Variants in LIG1 observed in about 807,000 individuals in gnomAD.
LIG1 encodes DNA ligase 1.
A neutral mutation model predicts 115.7 loss-of-function variants in LIG1; 70 were observed. The ratio of observed to expected loss-of-function variants is 0.60; its 90% CI spans 0.50 to 0.74. The LOEUF is 0.74. Among genes scored for constraint, LIG1 ranks in the 30% least tolerant of loss-of-function variants. The probability of loss-of-function intolerance (pLI) is 0.00; values close to 1 mark genes in which losing one functional copy is unlikely to be tolerated. For synonymous variants in LIG1, 487 were observed against 495.3 expected, an observed-to-expected ratio of 0.98 and a Z score of 0.22; for missense variants, 1,115 against 1,225.6, an observed-to-expected ratio of 0.91 and a Z score of 1.35.
chr19:48,121,126 C>G, intron 24 of LIG1, 44 bp downstream of exon 24: 1 of 1,613,908 alleles, frequency 6.2e-7, no homozygotes, highest in Non-Finnish European at 8.5e-7. Context: ...GGAGTCTAAT[C>G]TCCTTCCCTC....
chr19:48,165,860 G>GT, intron 1 of LIG1: 1 of 527,748 alleles, frequency 1.9e-6, no homozygotes, highest in Non-Finnish European at 3.4e-6. Context: ...TAAGAAGACT[G>GT]TTTTTCATCT....
chr19:48,133,483 C>T (rs1044012562), intron 17 of LIG1: 7 of 313,276 alleles, frequency 2.2e-5, no homozygotes, highest in Admixed American at 4.4e-5. Context: ...CCTGGGTCCC[C>T]GGGTCATCCC....
chr19:48,126,745 AT>A (rs758287154), intron 21 of LIG1, among the ~76,000 whole-genome samples: 2,165 of 145,830 alleles, frequency 0.015, 29 homozygotes, highest in African/African-American at 0.044. Flanking sequence ...AATAATATTA[AT>A]TTTTTTTTTT....
intron 5 of LIG1, chr19:48,154,437 G>A (rs1206690253): frequency 2.2e-5 from 5 of 224,608 alleles, no homozygotes; most frequent in East Asian, 9.8e-5. Flanking sequence ...CAGCTGCCTC[G>A]CATCTCGGGG....
intron 2 of LIG1, among the ~76,000 whole-genome samples, chr19:48,163,413 G>T (rs958070552): frequency 6.6e-6 from 1 of 151,582 alleles, no homozygotes; most frequent in Non-Finnish European, 1.5e-5. Context: ...TAGAGAAGGG[G>T]TTTCACCATG....
chr19:48,117,229 G>C (rs1039838915), intron 26 of LIG1, among the ~76,000 whole-genome samples: 1 of 150,976 alleles, frequency 6.6e-6, no homozygotes, highest in East Asian at 2.0e-4. Flanking sequence ...GTGTGATCTC[G>C]GCTCACTGCA....
chr19:48,123,315 G>T lies in LIG1; in HGVS notation c.2008C>A (p.Leu670Met). 1 of 1,613,346 alleles carries T rather than the reference G, an allele frequency of 6.2e-7. No individual in the cohort carries two copies. Reference sequence around the variant, plus strand: ...CGCCGGGAAAGGGGCTCACGTACCAGGGACTGCAGGGCCGGCAGGGAGAAG... The same window carrying T: ...CGCCGGGAAAGGGGCTCACGTACCATGGACTGCAGGGCCGGCAGGGAGAAG... ...FDLIYLNGESLVREPLSRRRQ... is the reference protein window; with the variant it reads ...FDLIYLNGESMVREPLSRRRQ... Residue 670 changes from leucine to methionine, a missense_variant, in exon 22 of 28, where the codon CTG (leucine) becomes ATG (methionine). Coordinates refer to ENST00000263274, the MANE Select transcript of LIG1 (RefSeq NM_000234.3).
chr19:48,119,338 G>A (rs1463378361), intron 24 of LIG1, 148 bp from the exon 25 acceptor site: 2 of 714,304 alleles, frequency 2.8e-6, no homozygotes. Context: ...GGGAGCTGGG[G>A]GTGCGGAGCA....
chr19:48,150,343 T>A, intron 7 of LIG1, 133 bp from the exon 8 acceptor site: 1 of 1,368,856 alleles, frequency 7.3e-7, no homozygotes, highest in South Asian at 1.2e-5. Context: ...TTCCTTTCTG[T>A]TAGCTTTGAG....
Position 48,121,195 on chromosome 19 carries a change from C to T in LIG1, c.2360G>A (p.Ser787Asn). The T allele has an allele frequency of 6.2e-7, 1 of 1,614,180 alleles. No homozygotes were observed. The highest frequency in any genetic ancestry group is 8.5e-7 in the Non-Finnish European group (1 of 1,180,032). ...GFLLASYDEDSEELQAICKLG... is the reference protein window; with the variant it reads ...GFLLASYDEDNEELQAICKLG... ...CTTGCATATGGCCTGCAGCTCCTCA[C>T]TGTCCTCGTCGTAGGAGGCCAGCAG... The change falls in exon 24 of 28, where the codon AGT (serine) becomes AAT (asparagine). Residue 787 changes from serine (S) to asparagine (N), a missense_variant. Ser to Asn is a conservative substitution (Grantham distance 46, BLOSUM62 1). Transcript: ENST00000263274.
chr19:48,149,683 T>C (rs1282541282), intron 9 of LIG1, 80 bp downstream of exon 9: 1 of 1,128,290 alleles, frequency 8.9e-7, no homozygotes, highest in African/African-American at 1.5e-5. Flanking sequence ...GGAGGAAGCC[T>C]GAGCTGGGGG....
At chr19:48,161,162 A>G in intron 4 of LIG1, 1 of 644,286 alleles carries the variant, frequency 1.6e-6, no homozygotes, top group Non-Finnish European at 2.8e-6. Flanking sequence ...GAGGCATCCA[A>G]GACCTAACGT....
chr19:48,138,700 G>A (rs2034553208), intron 12 of LIG1, among the ~76,000 whole-genome samples: 1 of 152,218 alleles, frequency 6.6e-6, no homozygotes, highest in Non-Finnish European at 1.5e-5. Context: ...CAGTGGAAGA[G>A]GCCCCAGCTG....
In LIG1 at chr19:48,143,915, G is replaced by A. The variant is rs143816948; in HGVS notation, c.825C>T (p.Pro275=). ...GYNPAKNNYH[P]VEDACWKPGQ... is the part of the protein sequence containing the mutation. Reference sequence around the variant, plus strand: ...CCGGTTTCCAGCAGGCATCTTCCACGGGATGATAGTTGTTCTTGGCAGGAT... The same window carrying A: ...CCGGTTTCCAGCAGGCATCTTCCACAGGATGATAGTTGTTCTTGGCAGGAT... The change falls in exon 10 of 28, where the codon CCC becomes CCT. Residue 275 remains proline, a synonymous_variant. Transcript: ENST00000263274. 1.5e-5 allele frequency: 24 copies of A among 1,613,974 alleles called. No individual in the cohort carries two copies. The Admixed American group carries it at 2.5e-4, about 17-fold the overall frequency.
rs1298186047 is a variant in LIG1 at position 48,150,120 on chromosome 19, C to T, written c.665G>A (p.Arg222His). 1.4e-5 allele frequency: 22 copies of T among 1,614,050 alleles called. No individual in the cohort carries two copies. The highest frequency in any genetic ancestry group is 2.7e-5 in the African/African-American group (2 of 74,940). ...QEEEEQTKPP[R>H]RAPKTLSSFF... ...GCTGCTGAGCGTCTTGGGAGCTCTG[C>T]GGGGAGGCTTGGTCTGCTCTTCCTC... The change falls in exon 8 of 28, where the codon CGC becomes CAC. Residue 222 changes from arginine to histidine, a missense_variant. Coordinates refer to ENST00000263274, the MANE Select transcript of LIG1 (RefSeq NM_000234.3).
chr19:48,157,254 A>G (rs3730865), intron 4 of LIG1, 114 bp from the exon 5 acceptor site: 46,257 of 1,233,244 alleles, frequency 0.038, 1,036 homozygotes, highest in Non-Finnish European at 0.045. Context: ...TTCTGACCCT[A>G]TGGTCTCAGC....
At chr19:48,125,698 T>C (rs1361387995) in intron 21 of LIG1, among the ~76,000 whole-genome samples, 1 of 152,172 alleles carries the variant, frequency 6.6e-6, no homozygotes, top group African/African-American at 2.4e-5. Flanking sequence ...CAGATGATCA[T>C]CTGGGATGGG....
At chr19:48,130,035 C>G (rs181404460) in intron 19 of LIG1, among the ~76,000 whole-genome samples, 1 of 152,202 alleles carries the variant, frequency 6.6e-6, no homozygotes, top group Admixed American at 6.5e-5. Context: ...GGATTACAGG[C>G]GTGGGCCACT....
chr19:48,129,858 C>T (rs1470068549), intron 19 of LIG1, among the ~76,000 whole-genome samples: 1 of 152,164 alleles, frequency 6.6e-6, no homozygotes. Flanking sequence ...TGGGTACAAA[C>T]GATTCTCGTG....
Sources: allele counts gnomAD v4.1 joint callset (sites outside exome capture counted in the v4.1 genomes callset), GRCh38; gene constraint gnomAD v4.1.1; transcripts MANE v1.5; gene names NCBI Gene and HGNC (gene_info 2026-07-23, HGNC 2026-07-21).